The following CDH4 variants were observed in gnomAD, a reference collection of about 807,000 sequenced individuals.
The protein encoded by CDH4 is cadherin 4.
A neutral mutation model predicts 86.0 loss-of-function variants in CDH4; 33 were observed. That is an observed-to-expected ratio of 0.38 (90% CI 0.29 to 0.51). The LOEUF (loss-of-function observed/expected upper bound fraction) is 0.51, where lower values mean the gene tolerates loss of function less well. CDH4 is among the 20% of genes least tolerant of loss of function. CDH4 has a pLI of 0.86. For synonymous variants in CDH4, 555 were observed against 549.4 expected, an observed-to-expected ratio of 1.01 and a Z score of -0.14; for missense variants, 1,114 against 1,307.4, an observed-to-expected ratio of 0.85 and a Z score of 2.28.
chr20:61,757,839 G>C (rs2145964825), intron 3 of CDH4, among the ~76,000 whole-genome samples: 1 of 152,176 alleles, frequency 6.6e-6, no homozygotes, highest in East Asian at 1.9e-4. Context: ...TACCCCAGAG[G>C]CATGGCCACA....
chr20:61,423,292 T>C (rs1323356067), intron 2 of CDH4, among the ~76,000 whole-genome samples: 1 of 152,192 alleles, frequency 6.6e-6, no homozygotes, highest in Non-Finnish European at 1.5e-5. Flanking sequence ...GGCAGGCAGG[T>C]GTCCTGAGCT....
chr20:61,704,351 C>A (rs961893486), intron 2 of CDH4, among the ~76,000 whole-genome samples: 5 of 152,150 alleles, frequency 3.3e-5, no homozygotes, highest in Admixed American at 6.5e-5. Context: ...AATGCAGGTG[C>A]TGATCCAGGT....
At chr20:61,756,999 A>G (rs890843126) in intron 3 of CDH4, among the ~76,000 whole-genome samples, 9 of 152,252 alleles carry the variant, frequency 5.9e-5, no homozygotes, top group African/African-American at 2.2e-4. Context: ...CAATTCTAGA[A>G]TAAATAAACA....
intron 2 of CDH4, among the ~76,000 whole-genome samples, chr20:61,441,859 G>C (rs542319189): frequency 6.6e-6 from 1 of 152,228 alleles, no homozygotes; most frequent in South Asian, 2.1e-4. Flanking sequence ...CTAACAACAA[G>C]AAGAGCCAGG....
At chr20:61,268,798 A>G (rs1009572160) in intron 2 of CDH4, among the ~76,000 whole-genome samples, 2 of 152,170 alleles carry the variant, frequency 1.3e-5, no homozygotes, top group Admixed American at 6.5e-5. Flanking sequence ...CCAGAAGCAG[A>G]TGCCAGTGCC....
chr20:61,510,283 G>C lies in CDH4; in HGVS notation c.170-233280G>C, dbSNP rs542074791. Among the ~76,000 whole-genome samples the C allele has an allele frequency of 2.3e-4, 35 of 152,304 alleles. No homozygotes were observed. Among genetic ancestry groups the C allele is most frequent in the South Asian group, 4.1e-4 (2 of 4,822 alleles). On this transcript the variant is annotated intron_variant, in intron 2 of 15. Coordinates refer to ENST00000614565, the MANE Select transcript of CDH4 (RefSeq NM_001794.5). This position sits in a 1 kb window ranked among gnomAD's most constrained non-coding sequence, Gnocchi z 4.2. ...ACTTGGTGTGTGCTTTGTGTTTTGG[G>C]GGGGCCAGGAACGTGCATTCAGGGG... is the stretch of plus-strand genomic sequence containing the variant.
At chr20:61,733,704 A>G (rs1006388954) in intron 2 of CDH4, among the ~76,000 whole-genome samples, 1 of 148,226 alleles carries the variant, frequency 6.7e-6, no homozygotes, top group African/African-American at 2.5e-5. Context: ...GAAGAAAGAA[A>G]GAATGAAAGA....
intron 2 of CDH4, among the ~76,000 whole-genome samples, chr20:61,598,199 A>C (rs2086570572): frequency 1.3e-5 from 2 of 152,064 alleles, no homozygotes; most frequent in African/African-American, 4.8e-5. Context: ...GATCTGCTGA[A>C]TTGCTGGGAT....
intron 6 of CDH4, among the ~76,000 whole-genome samples, chr20:61,869,203 C>T (rs1268314677): frequency 6.6e-6 from 1 of 152,168 alleles, no homozygotes; most frequent in Non-Finnish European, 1.5e-5. Context: ...ATATTGATTC[C>T]CCTGTATTTT....
chr20:61,432,789 A>G (rs548610469), intron 2 of CDH4, among the ~76,000 whole-genome samples: 3 of 137,768 alleles, frequency 2.2e-5, no homozygotes, highest in South Asian at 2.3e-4. Flanking sequence ...GTTTTCTCCT[A>G]TGTTTTCTTC....
At chr20:61,314,679 G>A (rs1339768313) in intron 2 of CDH4, among the ~76,000 whole-genome samples, 1 of 152,114 alleles carries the variant, frequency 6.6e-6, no homozygotes, top group South Asian at 2.1e-4. Context: ...TACCTTTAAT[G>A]TTCTGAGGAA....
chr20:61,261,827 A>G (rs1408936240), intron 2 of CDH4, among the ~76,000 whole-genome samples: 1 of 152,214 alleles, frequency 6.6e-6, no homozygotes, highest in Non-Finnish European at 1.5e-5. Flanking sequence ...GCAGTTGCTC[A>G]TGTATAAGGC....
In CDH4 at chr20:61,516,761, G is replaced by C. The variant is rs1011477486; in HGVS notation, c.170-226802G>C. ...CAGGCACTAAAAATAACCAGGCTCCGTTCCCAGGTCAGTGAGTGTCGGTTT... is the reference window on the plus strand; with the variant it reads ...CAGGCACTAAAAATAACCAGGCTCCCTTCCCAGGTCAGTGAGTGTCGGTTT... On this transcript the variant is annotated intron_variant, in intron 2 of 15. Transcript: ENST00000614565. This position sits in a 1 kb window ranked among gnomAD's most constrained non-coding sequence, Gnocchi z 4.0. Among the ~76,000 whole-genome samples, 1 of 152,122 alleles carries C rather than the reference G, an allele frequency of 6.6e-6. No individual in the cohort carries two copies. Among genetic ancestry groups the C allele is most frequent in the Non-Finnish European group, 1.5e-5 (1 of 68,016 alleles).
chr20:61,509,319 C>G (rs2145610741), intron 2 of CDH4, among the ~76,000 whole-genome samples: 1 of 151,926 alleles, frequency 6.6e-6, no homozygotes, highest in African/African-American at 2.4e-5. Flanking sequence ...CACGGAGGGA[C>G]TCATCCTGCC....
At chr20:61,783,008 C>A (rs1978629603) in intron 4 of CDH4, among the ~76,000 whole-genome samples, 1 of 152,168 alleles carries the variant, frequency 6.6e-6, no homozygotes, top group Non-Finnish European at 1.5e-5. Context: ...TCACTTGAAC[C>A]CCGGAGGTAG....
chr20:61,515,826 G>A (rs894271015), intron 2 of CDH4, among the ~76,000 whole-genome samples: 4 of 152,024 alleles, frequency 2.6e-5, no homozygotes, highest in African/African-American at 4.8e-5. Context: ...CTCCTAGCTC[G>A]CTCTCTCTCA....
At chr20:61,823,633 C>T (rs1189045797) in intron 4 of CDH4, among the ~76,000 whole-genome samples, 1 of 152,174 alleles carries the variant, frequency 6.6e-6, no homozygotes, top group African/African-American at 2.4e-5. Context: ...AGGACTTGAA[C>T]CCAGAGCTCT....
chr20:61,550,905 C>T (rs2145673173), intron 2 of CDH4, among the ~76,000 whole-genome samples: 1 of 152,300 alleles, frequency 6.6e-6, no homozygotes, highest in African/African-American at 2.4e-5. Flanking sequence ...GCGCACAGGC[C>T]AGTGCGCAGA....
At chr20:61,454,594 T>C (rs546810602) in intron 2 of CDH4, among the ~76,000 whole-genome samples, 10 of 152,244 alleles carry the variant, frequency 6.6e-5, no homozygotes, top group East Asian at 5.8e-4. Context: ...TACAGGCGCC[T>C]GCCACCATAG....
Sources: gnomAD v4.1 joint callset for allele counts (sites outside exome capture counted in the v4.1 genomes callset) on GRCh38, gnomAD v4.1.1 for gene constraint, Gnocchi (gnomAD v3.1) non-coding constraint, MANE v1.5 for transcripts, NCBI Gene and HGNC (gene_info 2026-07-23, HGNC 2026-07-21) for gene names.